Variants in NBAS observed in about 807,000 individuals in gnomAD.
NBAS encodes NAG/BC035112 fusion.
A neutral mutation model predicts 302.5 loss-of-function variants in NBAS; 219 were observed. That is an observed-to-expected ratio of 0.72 (90% CI 0.65 to 0.81). The LOEUF is 0.81. Among genes scored for constraint, NBAS ranks in the 30% least tolerant of loss-of-function variants. NBAS has a pLI of 0.00. For synonymous variants in NBAS, 1,118 were observed against 1,021.6 expected (o/e 1.09, Z -1.80); for missense variants, 2,932 against 2,841.6 (o/e 1.03, Z -0.72).
the NBAS span, among the ~76,000 whole-genome samples, chr2:14,985,988 A>C: frequency 2.6e-5 from 4 of 152,346 alleles, no homozygotes; most frequent in Admixed American, 2.0e-4. Context: ...GGTAGAGATC[A>C]GTAAAACTAT....
intron 44 of NBAS, among the ~76,000 whole-genome samples, chr2:15,244,540 G>C (rs1038605202): frequency 3.9e-5 from 6 of 152,010 alleles, no homozygotes; most frequent in Non-Finnish European, 8.8e-5. Flanking sequence ...ATCTCTTATT[G>C]TCTCCCTTTC....
intron 40 of NBAS, among the ~76,000 whole-genome samples, chr2:15,301,877 T>C (rs902835034): frequency 3.3e-5 from 5 of 151,980 alleles, no homozygotes; most frequent in Non-Finnish European, 5.9e-5. Flanking sequence ...CATGGAAGGA[T>C]GAAGTTGGAA....
At chr2:15,478,141 G>C (rs1391149711) in intron 13 of NBAS, 85 bp downstream of exon 13, 2 of 1,013,670 alleles carry the variant, frequency 2.0e-6, no homozygotes, top group East Asian at 4.9e-5. Context: ...AAAGTATCTA[G>C]AGACTTTTTA....
the NBAS span, among the ~76,000 whole-genome samples, chr2:15,033,082 GACC>G: frequency 6.6e-6 from 1 of 152,196 alleles, no homozygotes; most frequent in East Asian, 1.9e-4. Flanking sequence ...CTGGGGAAAG[GACC>G]ACCACCCCAG....
At chr2:15,340,380 T>TA (rs1672789918) in intron 35 of NBAS, among the ~76,000 whole-genome samples, 1 of 152,138 alleles carries the variant, frequency 6.6e-6, no homozygotes, top group Non-Finnish European at 1.5e-5. Context: ...TACGAACACC[T>TA]ACAAAGAGTT....
At chr2:15,439,277 G>C (rs574065307) in intron 21 of NBAS, among the ~76,000 whole-genome samples, 1 of 148,740 alleles carries the variant, frequency 6.7e-6, no homozygotes, top group Non-Finnish European at 1.5e-5. Flanking sequence ...ACTCCGACCT[G>C]GGCCAAAGAG....
chr2:15,393,576 T>C (rs1572773833), intron 28 of NBAS: 1 of 382,544 alleles, frequency 2.6e-6, no homozygotes, highest in Non-Finnish European at 5.3e-6. Flanking sequence ...TACCAAATGA[T>C]CCTGCCATTT....
chr2:15,287,121 C>T lies in NBAS; in HGVS notation c.5090G>A (p.Arg1697His), dbSNP rs145318018. 81 of 1,613,962 alleles carry T rather than the reference C, an allele frequency of 5.0e-5. No individual in the cohort carries two copies. The highest frequency in any genetic ancestry group is 6.7e-5 in the East Asian group (3 of 44,876). The change falls in exon 42 of 52, where the codon CGC becomes CAC. Residue 1697 changes from arginine (R) to histidine (H), a missense_variant. Arg to His is a conservative substitution (Grantham distance 29). Transcript: ENST00000281513. ...CAAATGGGTCATAAAAACTTCCCAG[C>T]GGGAGACACTGTAACGTTGTGCCAG... ...ISLAQRYSVSRWEVFMTHLEF... is the reference protein window; with the variant it reads ...ISLAQRYSVSHWEVFMTHLEF...
chr2:15,159,345 A>G, the NBAS span, among the ~76,000 whole-genome samples: 1 of 152,206 alleles, frequency 6.6e-6, no homozygotes, highest in Non-Finnish European at 1.5e-5. Context: ...CATGTTTGGG[A>G]TAGATGAAGG....
At chr2:15,399,949 T>C (rs1029714345) in intron 26 of NBAS, among the ~76,000 whole-genome samples, 1 of 152,200 alleles carries the variant, frequency 6.6e-6, no homozygotes, top group Non-Finnish European at 1.5e-5. Context: ...TTAAACCTTC[T>C]ACCAAGTAAA....
chr2:14,864,511 T>C, the NBAS span, among the ~76,000 whole-genome samples: 1 of 152,148 alleles, frequency 6.6e-6, no homozygotes, highest in African/African-American at 2.4e-5. Context: ...CTTGGTCAGT[T>C]CTTTAAGTTT....
chr2:15,078,524 G>A, the NBAS span, among the ~76,000 whole-genome samples: 6 of 152,270 alleles, frequency 3.9e-5, no homozygotes, highest in Admixed American at 1.3e-4. Context: ...TTTGGCACTC[G>A]CAAAGACTTT....
intron 35 of NBAS, among the ~76,000 whole-genome samples, chr2:15,338,780 C>T (rs922449121): frequency 6.6e-6 from 1 of 151,764 alleles, no homozygotes; most frequent in South Asian, 2.1e-4. Context: ...GAGGCTGAAG[C>T]AGGAGGGTCA....
chr2:15,551,470 T>C, intron 6 of NBAS, 23 bp downstream of exon 6: 1 of 1,558,454 alleles, frequency 6.4e-7, no homozygotes, highest in South Asian at 1.1e-5. Context: ...TTTTCATTCT[T>C]TAAATATTTT....
chr2:14,926,961 A>G, the NBAS span, among the ~76,000 whole-genome samples: 1 of 152,224 alleles, frequency 6.6e-6, no homozygotes, highest in African/African-American at 2.4e-5. Context: ...TGAGATTTAC[A>G]TTTATATCAA....
At chr2:15,269,996 T>C (rs1261230267) in intron 44 of NBAS, among the ~76,000 whole-genome samples, 1 of 152,184 alleles carries the variant, frequency 6.6e-6, no homozygotes, top group Non-Finnish European at 1.5e-5. Context: ...ACAGACTGAA[T>C]GCAGAAACTA....
At chr2:15,332,911 C>T (rs1386030504) in intron 35 of NBAS, among the ~76,000 whole-genome samples, 1 of 152,178 alleles carries the variant, frequency 6.6e-6, no homozygotes, top group African/African-American at 2.4e-5. Flanking sequence ...TGGTGTTCCA[C>T]ACATGAACTC....
At chr2:15,196,802 T>C (rs1336796468) in intron 48 of NBAS, among the ~76,000 whole-genome samples, 1 of 151,642 alleles carries the variant, frequency 6.6e-6, no homozygotes, top group Non-Finnish European at 1.5e-5. Context: ...TTAACATGCA[T>C]TGTTTTCATA....
intron 48 of NBAS, among the ~76,000 whole-genome samples, chr2:15,201,877 C>G (rs1411543608): frequency 6.6e-6 from 1 of 152,176 alleles, no homozygotes; most frequent in Admixed American, 6.5e-5. Flanking sequence ...AAACAATTGT[C>G]CCTAGCTCAT....
Sources: gnomAD v4.1 joint callset for allele counts (sites outside exome capture counted in the v4.1 genomes callset) on GRCh38, gnomAD v4.1.1 for gene constraint, MANE v1.5 for transcripts, NCBI Gene and HGNC (gene_info 2026-07-23, HGNC 2026-07-21) for gene names.